The following DGKB variants were observed in gnomAD, a reference collection of about 807,000 sequenced individuals.
DGKB encodes the protein 90 kDa diacylglycerol kinase.
Under a neutral mutation model 114.3 loss-of-function variants are expected in DGKB, and 67 were observed. The observed-to-expected ratio is 0.59, with a 90% confidence interval of 0.48 to 0.72. The LOEUF (loss-of-function observed/expected upper bound fraction) is 0.72, where lower values mean the gene tolerates loss of function less well. Ranked by LOEUF, DGKB falls within the 30% of genes least tolerant of loss-of-function variation. The pLI, the probability that DGKB is intolerant of heterozygous loss-of-function variation, is 0.00. For synonymous variants in DGKB, 398 were observed against 323.1 expected (o/e 1.23, Z -2.49); for missense variants, 907 against 975.2 (o/e 0.93, Z 0.93).
At chr7:14,667,846 C>T (rs936828729) in intron 13 of DGKB, among the ~76,000 whole-genome samples, 1 of 152,010 alleles carries the variant, frequency 6.6e-6, no homozygotes, top group African/African-American at 2.4e-5. Context: ...CCTTTTAATT[C>T]GGACTTAGCT....
At chr7:14,245,363 A>C (rs1794319560) in intron 23 of DGKB, among the ~76,000 whole-genome samples, 1 of 152,206 alleles carries the variant, frequency 6.6e-6, no homozygotes, top group Admixed American at 6.5e-5. Context: ...AAAATACAGA[A>C]AGCATTTTTA....
intron 1 of DGKB, among the ~76,000 whole-genome samples, chr7:14,941,023 A>G (rs1227355438): frequency 2.0e-5 from 3 of 152,092 alleles, no homozygotes; most frequent in African/African-American, 7.2e-5. Flanking sequence ...GTCAAAGTGT[A>G]CAGATCATAC....
intron 21 of DGKB, among the ~76,000 whole-genome samples, chr7:14,461,276 C>G (rs1287391721): frequency 6.7e-6 from 1 of 149,652 alleles, no homozygotes; most frequent in East Asian, 2.0e-4. Context: ...GAGATAGAGA[C>G]ACACATACAC....
chr7:14,806,929 T>C (rs1157075821), intron 2 of DGKB, among the ~76,000 whole-genome samples: 4 of 151,966 alleles, frequency 2.6e-5, no homozygotes, highest in Admixed American at 1.3e-4. Flanking sequence ...TTCAGGACTT[T>C]CCCTGAAAAA....
intron 23 of DGKB, among the ~76,000 whole-genome samples, chr7:14,316,311 C>T (rs1273593589): frequency 1.4e-5 from 2 of 138,156 alleles, no homozygotes; most frequent in South Asian, 2.5e-4. Context: ...AATAGAGACA[C>T]AAAAAACCCT....
intron 1 of DGKB, among the ~76,000 whole-genome samples, chr7:14,878,594 A>G (rs1853673445): frequency 6.6e-6 from 1 of 151,938 alleles, no homozygotes; most frequent in Non-Finnish European, 1.5e-5. Flanking sequence ...GAATACAAAA[A>G]CAAAATTAGC....
chr7:14,611,420 C>T (rs979383095), intron 16 of DGKB, among the ~76,000 whole-genome samples: 2 of 151,992 alleles, frequency 1.3e-5, no homozygotes, highest in Non-Finnish European at 2.9e-5. Flanking sequence ...GATTCTGTGA[C>T]CTTTTGCAAC....
chr7:14,610,817 C>T (rs1019197584), intron 16 of DGKB, among the ~76,000 whole-genome samples: 5 of 152,140 alleles, frequency 3.3e-5, no homozygotes, highest in Non-Finnish European at 7.4e-5. Flanking sequence ...TTCTATCCCA[C>T]TGCCTTACTT....
intron 20 of DGKB, among the ~76,000 whole-genome samples, chr7:14,568,598 C>T (rs1300282574): frequency 1.3e-5 from 2 of 152,170 alleles, no homozygotes; most frequent in Non-Finnish European, 1.5e-5. Flanking sequence ...AGAGCAGAGC[C>T]TCTCCCCAAT....
intron 1 of DGKB, among the ~76,000 whole-genome samples, chr7:14,869,474 T>G (rs1852153006): frequency 6.6e-6 from 1 of 152,208 alleles, no homozygotes; most frequent in South Asian, 2.1e-4. Flanking sequence ...ATTCTTTGTA[T>G]TTTTACAAAA....
At chr7:14,419,626 G>GA (rs35214296) in intron 21 of DGKB, among the ~76,000 whole-genome samples, 32,323 of 142,406 alleles carry the variant, frequency 0.23, 4,245 homozygotes, top group East Asian at 0.48. Context: ...CACTTAATTT[G>GA]AAAAAAAAAA....
chr7:14,424,032 T>C (rs1416682213), intron 21 of DGKB, among the ~76,000 whole-genome samples: 1 of 152,058 alleles, frequency 6.6e-6, no homozygotes, highest in African/African-American at 2.4e-5. Flanking sequence ...TCAACCAGTA[T>C]TACTCCCTAC....
chr7:14,930,639 T>C (rs1051841815), intron 1 of DGKB, among the ~76,000 whole-genome samples: 1 of 152,178 alleles, frequency 6.6e-6, no homozygotes, highest in Non-Finnish European at 1.5e-5. Flanking sequence ...TATAATGTTA[T>C]GTCATCAGTA....
chr7:14,346,880 A>G (rs1045618987), intron 21 of DGKB, among the ~76,000 whole-genome samples: 1 of 152,032 alleles, frequency 6.6e-6, no homozygotes, highest in African/African-American at 2.4e-5. Context: ...GTCTGAAGAC[A>G]TTCTTAATGA....
At position 14,923,983 on chromosome 7, in the gene DGKB, C is replaced by CAAAAAAAAAAAAAAAAAAAAAAAAAAAA. The variant is rs56032330; in HGVS notation, c.-188+50712_-188+50713insTTTTTTTTTTTTTTTTTTTTTTTTTTTT. 2.4e-4 allele frequency among the ~76,000 whole-genome samples: 18 copies of CAAAAAAAAAAAAAAAAAAAAAAAAAAAA among 76,160 alleles called. 1 individual carries two copies. The highest frequency in any genetic ancestry group is 1.3e-3 in the African/African-American group (18 of 13,698). 50.0% of individuals were successfully genotyped at this position (76,160 alleles called of 152,430 possible). A position where few individuals can be genotyped will look rare whatever the true frequency, so the allele number is the denominator to read the frequency against. On this transcript the variant is annotated intron_variant, in intron 1 of 4. Transcript: ENST00000437998. ...TGGGCAACACAGTGAAGCTCCATCT[C>CAAAAAAAAAAAAAAAAAAAAAAAAAAAA]AAAAAAAAAAAAAAAAAAAAAGCTT...
chr7:14,776,826 G>A (rs1005030227), intron 2 of DGKB, among the ~76,000 whole-genome samples: 6 of 152,300 alleles, frequency 3.9e-5, no homozygotes, highest in African/African-American at 9.6e-5. Context: ...GTGGAGCTGC[G>A]AGAAGTGTGC....
chr7:14,893,512 C>T (rs1360660614), intron 1 of DGKB, among the ~76,000 whole-genome samples: 3 of 151,286 alleles, frequency 2.0e-5, no homozygotes, highest in African/African-American at 2.4e-5. Context: ...TTTCACTCTA[C>T]GTTCTCTTCC....
intron 2 of DGKB, among the ~76,000 whole-genome samples, chr7:14,829,941 G>C (rs1178316305): frequency 2.6e-5 from 4 of 152,050 alleles, no homozygotes; most frequent in Admixed American, 6.6e-5. Flanking sequence ...AACCAAGGGA[G>C]GGAGAAGGCA....
At chr7:14,596,330 C>G (rs539504389) in intron 17 of DGKB, among the ~76,000 whole-genome samples, 3 of 152,212 alleles carry the variant, frequency 2.0e-5, no homozygotes, top group Admixed American at 6.5e-5. Context: ...GAAGAATTTT[C>G]CAAGGATAAG....
Sources: gnomAD v4.1 joint callset for allele counts (sites outside exome capture counted in the v4.1 genomes callset) on GRCh38, gnomAD v4.1.1 for gene constraint, MANE v1.5 for transcripts, NCBI Gene and HGNC (gene_info 2026-07-23, HGNC 2026-07-21) for gene names.